MAF: variants seen among roughly 807,000 people sequenced by gnomAD.
MAF encodes the protein transcription factor Maf.
Under a neutral mutation model 22.0 loss-of-function variants are expected in MAF, and 10 were observed. The ratio of observed to expected loss-of-function variants is 0.45; its 90% CI spans 0.28 to 0.77. The LOEUF (loss-of-function observed/expected upper bound fraction) is 0.77, where lower values mean the gene tolerates loss of function less well. Among genes scored for constraint, MAF ranks in the 30% least tolerant of loss-of-function variants. MAF has a pLI of 0.12. For missense variants in MAF, 544 were observed against 548.4 expected, an observed-to-expected ratio of 0.99 and a Z score of 0.08; for synonymous variants, 337 against 255.8, an observed-to-expected ratio of 1.32 and a Z score of -3.03.
At chr16:79,576,553 T>A in the MAF span, among the ~76,000 whole-genome samples, 1 of 152,112 alleles carries the variant, frequency 6.6e-6, no homozygotes, top group African/African-American at 2.4e-5. Flanking sequence ...GAGTGCTATT[T>A]TTTTTTTTCA....
the MAF span, among the ~76,000 whole-genome samples, chr16:79,334,838 AGTGTGTGTGTGTGTGTGTGTGTGTATGT>A: frequency 1.4e-5 from 2 of 147,216 alleles, no homozygotes; most frequent in East Asian, 2.0e-4. Context: ...ACGTCAATAA[AGTGTGTGTGTGTGTGTGTGTGTGTATGT>A]GTGTGTGTGT....
At chr16:79,399,685 G>A in the MAF span, among the ~76,000 whole-genome samples, 2 of 152,124 alleles carry the variant, frequency 1.3e-5, no homozygotes, top group African/African-American at 2.4e-5. Flanking sequence ...CTTGAGCTAA[G>A]AAACATAACC....
chr16:79,210,685 T>TC, the MAF span, among the ~76,000 whole-genome samples: 1 of 152,132 alleles, frequency 6.6e-6, no homozygotes, highest in Admixed American at 6.5e-5. Flanking sequence ...CGACCATGTC[T>TC]CCCTCTGAAC....
At chr16:79,293,242 G>T in the MAF span, among the ~76,000 whole-genome samples, 1 of 152,074 alleles carries the variant, frequency 6.6e-6, no homozygotes, top group African/African-American at 2.4e-5. Context: ...GGTGTCCCAG[G>T]CCTGATGCTG....
At chr16:79,387,916 C>A in the MAF span, among the ~76,000 whole-genome samples, 7 of 152,106 alleles carry the variant, frequency 4.6e-5, no homozygotes, top group African/African-American at 1.7e-4. Context: ...CAATGAGTCC[C>A]CAACATAGTT....
the MAF span, among the ~76,000 whole-genome samples, chr16:79,546,137 G>C: frequency 6.6e-6 from 1 of 152,090 alleles, no homozygotes; most frequent in Non-Finnish European, 1.5e-5. Context: ...AAAGGTTAAA[G>C]AGATGGGATG....
chr16:79,454,222 A>G, the MAF span, among the ~76,000 whole-genome samples: 1 of 152,172 alleles, frequency 6.6e-6, no homozygotes. Context: ...ACTTCATATC[A>G]GTGTGGACCC....
At chr16:79,525,191 G>A in the MAF span, among the ~76,000 whole-genome samples, 1 of 151,800 alleles carries the variant, frequency 6.6e-6, no homozygotes. Flanking sequence ...CTTTTCCCCT[G>A]ACTTCCTGTT....
At chr16:79,465,144 G>A in the MAF span, among the ~76,000 whole-genome samples, 1 of 152,146 alleles carries the variant, frequency 6.6e-6, no homozygotes, top group East Asian at 1.9e-4. Flanking sequence ...ATGGGGAATT[G>A]GTTCCAGGGC....
At chr16:79,550,791 A>G in the MAF span, among the ~76,000 whole-genome samples, 1 of 151,986 alleles carries the variant, frequency 6.6e-6, no homozygotes, top group Admixed American at 6.6e-5. Flanking sequence ...CACATAAAAG[A>G]TTTGTTCTGT....
chr16:79,358,627 G>T, the MAF span, among the ~76,000 whole-genome samples: 3 of 152,254 alleles, frequency 2.0e-5, no homozygotes, highest in East Asian at 5.8e-4. Flanking sequence ...ACTTTTTTGC[G>T]AGGATGTAAA....
the MAF span, among the ~76,000 whole-genome samples, chr16:79,489,135 TCATCCATC>T: frequency 6.6e-6 from 1 of 151,832 alleles, no homozygotes; most frequent in Non-Finnish European, 1.5e-5. Context: ...ATCCATCCAC[TCATCCATC>T]CATCCACCCA....
chr16:79,373,359 C>A, the MAF span, among the ~76,000 whole-genome samples: 2 of 33,300 alleles, frequency 6.0e-5, 1 homozygote, highest in Non-Finnish European at 1.2e-4. Context: ...GGACTGGTAG[C>A]TTTTTTTTTT....
the MAF span, among the ~76,000 whole-genome samples, chr16:79,288,356 T>C: frequency 1.3e-5 from 2 of 152,254 alleles, no homozygotes; most frequent in South Asian, 2.1e-4. Context: ...AGTTGCTACA[T>C]CCTAAGCCGG....
chr16:79,279,520 G>A, the MAF span, among the ~76,000 whole-genome samples: 1 of 152,202 alleles, frequency 6.6e-6, no homozygotes, highest in Non-Finnish European at 1.5e-5. Context: ...GCACAGGCCA[G>A]GACAGAACAG....
the MAF span, among the ~76,000 whole-genome samples, chr16:79,421,032 C>CAAAAAAAAA: frequency 7.5e-6 from 1 of 133,294 alleles, no homozygotes; most frequent in African/African-American, 2.9e-5. Context: ...GACTCTGTCT[C>CAAAAAAAAA]AAAAAGAAAA....
the MAF span, among the ~76,000 whole-genome samples, chr16:79,354,575 C>G: frequency 6.6e-6 from 1 of 152,074 alleles, no homozygotes; most frequent in Non-Finnish European, 1.5e-5. Flanking sequence ...GTGTAACTGG[C>G]CAGATAGCCA....
chr16:79,545,046 C>T, the MAF span, among the ~76,000 whole-genome samples: 1 of 152,066 alleles, frequency 6.6e-6, no homozygotes, highest in Admixed American at 6.5e-5. Context: ...GGATGGTGTC[C>T]TTCACCACTT....
the MAF span, among the ~76,000 whole-genome samples, chr16:79,480,317 T>C: frequency 0.2 from 24,916 of 122,188 alleles, 2,234 homozygotes; most frequent in African/African-American, 0.32. Flanking sequence ...TCAGCTGAGT[T>C]GAAATACAAT....
Sources: allele counts gnomAD v4.1 joint callset (sites outside exome capture counted in the v4.1 genomes callset), GRCh38; gene constraint gnomAD v4.1.1; transcripts MANE v1.5; gene names NCBI Gene and HGNC (gene_info 2026-07-23, HGNC 2026-07-21).